The following CLASP2 variants were observed in gnomAD, a reference collection of about 807,000 sequenced individuals.
The protein encoded by CLASP2 is CLIP-associating protein 2.
In CLASP2, 47 loss-of-function variants were observed where a neutral mutation model predicts 194.4. The observed-to-expected ratio is 0.24, with a 90% confidence interval of 0.19 to 0.31. The LOEUF (loss-of-function observed/expected upper bound fraction) is 0.31. CLASP2 is among the 10% of genes least tolerant of loss of function. The probability of loss-of-function intolerance (pLI) is 1.00; values close to 1 mark genes in which losing one functional copy is unlikely to be tolerated. For missense variants in CLASP2, 1,445 were observed against 1,823.6 expected (o/e 0.79, Z 3.78); for synonymous variants, 619 against 633.5 (o/e 0.98, Z 0.34).
intron 6 of CLASP2, among the ~76,000 whole-genome samples, chr3:33,671,506 G>A (rs536495257): frequency 5.3e-5 from 8 of 152,278 alleles, no homozygotes; most frequent in South Asian, 4.1e-4. Context: ...AGCTCCCAGC[G>A]TGAGAGACCC....
chr3:33,496,309 T>C lies in CLASP2; in HGVS notation c.*2322A>G, dbSNP rs563640531. 8 of 152,344 alleles carry C rather than the reference T, an allele frequency of 5.3e-5. No homozygotes were observed. The highest frequency in any genetic ancestry group is 7.3e-5 in the Non-Finnish European group (5 of 68,036). 9.4% of individuals were successfully genotyped at this position (152,344 alleles called of 1,614,324 possible). Reference sequence around the variant, plus strand: ...CAGTGCAGTAAATGAACAACACTTATTAATAATTAATTTGGGAGAGAATAG... The same window carrying C: ...CAGTGCAGTAAATGAACAACACTTACTAATAATTAATTTGGGAGAGAATAG... On this transcript the variant is annotated 3_prime_UTR_variant, in exon 39 of 39. Coordinates refer to ENST00000682230, the MANE Select transcript of CLASP2 (RefSeq NM_001365631.1).
rs1333270211 is a variant in CLASP2 at position 33,618,239 on chromosome 3, C to T, written c.1317+1364G>A. ...CTGGGATTACAGGTGTGAGCTGCCGCGCCCGGCCTGGTGAGGATAATTTGA... is the reference window on the plus strand; with the variant it reads ...CTGGGATTACAGGTGTGAGCTGCCGTGCCCGGCCTGGTGAGGATAATTTGA... On this transcript the variant is annotated intron_variant, in intron 12 of 38. Coordinates refer to ENST00000682230, the MANE Select transcript of CLASP2 (RefSeq NM_001365631.1). Among the ~76,000 whole-genome samples the T allele has an allele frequency of 2.6e-5, 4 of 152,100 alleles. No individual in the cohort carries two copies. In the East Asian group the frequency reaches 7.7e-4, roughly 29 times the overall value.
intron 38 of CLASP2, among the ~76,000 whole-genome samples, chr3:33,499,330 A>G (rs1379661594): frequency 1.3e-5 from 2 of 149,844 alleles, no homozygotes; most frequent in African/African-American, 2.5e-5. Flanking sequence ...TCTCTTTATG[A>G]ATTACTCAGT....
intron 34 of CLASP2, among the ~76,000 whole-genome samples, chr3:33,519,181 C>T (rs1053835799): frequency 3.9e-5 from 6 of 152,142 alleles, no homozygotes; most frequent in Non-Finnish European, 8.8e-5. Context: ...TGTGGCAGTG[C>T]TCAAGAAGTA....
At chr3:33,637,414 G>A (rs2080352529) in intron 8 of CLASP2, among the ~76,000 whole-genome samples, 1 of 152,064 alleles carries the variant, frequency 6.6e-6, no homozygotes, top group African/African-American at 2.4e-5. Flanking sequence ...GGCAACTGTA[G>A]TCCCAGCTAC....
At chr3:33,635,610 A>C (rs1311437065) in intron 8 of CLASP2, among the ~76,000 whole-genome samples, 2 of 152,230 alleles carry the variant, frequency 1.3e-5, no homozygotes, top group Non-Finnish European at 2.9e-5. Context: ...CAAATGTAAG[A>C]AATTTTGATA....
chr3:33,637,028 AAACTT>A (rs1187252488), intron 8 of CLASP2, among the ~76,000 whole-genome samples: 3 of 152,264 alleles, frequency 2.0e-5, no homozygotes, highest in Non-Finnish European at 4.4e-5. Flanking sequence ...ACAACTGAGA[AAACTT>A]AAATACGTAG....
intron 23 of CLASP2, among the ~76,000 whole-genome samples, chr3:33,581,015 C>CAAAAAAAAA (rs34304858): frequency 3.5e-5 from 2 of 57,708 alleles, no homozygotes; most frequent in African/African-American, 1.3e-4. Flanking sequence ...GACTCCGTCT[C>CAAAAAAAAA]AAAAAAAAAA....
intron 34 of CLASP2, among the ~76,000 whole-genome samples, chr3:33,517,850 C>T (rs978348023): frequency 3.9e-5 from 6 of 152,116 alleles, no homozygotes; most frequent in African/African-American, 1.2e-4. Context: ...GACGGGGTTT[C>T]GCCATGTTGT....
In CLASP2 at chr3:33,501,718, C is replaced by A. The variant is rs1362901620; in HGVS notation, c.4368G>T (p.Leu1456=). The A allele has an allele frequency of 6.2e-6, 10 of 1,613,770 alleles. No homozygotes were observed. Among genetic ancestry groups the A allele is most frequent in the Non-Finnish European group, 8.5e-6 (10 of 1,179,796 alleles). ...SSVRKACVFC[L]VAVHAVIGDE... Reference sequence around the variant, plus strand: ...CACCAATTACCGCATGAACAGCCACCAGGCAGAAGACACAAGCTTTCCGAA... The same window carrying A: ...CACCAATTACCGCATGAACAGCCACAAGGCAGAAGACACAAGCTTTCCGAA... The change falls in exon 38 of 39, where the codon CTG becomes CTT. Residue 1456 remains leucine, a synonymous_variant. Coordinates refer to ENST00000682230, the MANE Select transcript of CLASP2 (RefSeq NM_001365631.1).
chr3:33,607,757 A>G (rs982829072), intron 14 of CLASP2, among the ~76,000 whole-genome samples: 2 of 152,170 alleles, frequency 1.3e-5, no homozygotes, highest in Non-Finnish European at 2.9e-5. Context: ...TTAATTTTTA[A>G]TAAATTAGAG....
At chr3:33,579,244 T>C (rs2154206716) in intron 23 of CLASP2, among the ~76,000 whole-genome samples, 1 of 152,376 alleles carries the variant, frequency 6.6e-6, no homozygotes, top group South Asian at 2.1e-4. Context: ...CTGTTTCCTT[T>C]AATATTAAAA....
At chr3:33,573,467 G>T in intron 24 of CLASP2, 113 bp from the exon 25 acceptor site, 1 of 1,044,382 alleles carries the variant, frequency 9.6e-7, no homozygotes, top group Non-Finnish European at 1.4e-6. Context: ...TGCAAAGCAT[G>T]CTCCTAATCA....
chr3:33,642,797 T>G (rs2081552265), intron 8 of CLASP2, among the ~76,000 whole-genome samples: 1 of 151,800 alleles, frequency 6.6e-6, no homozygotes, highest in African/African-American at 2.4e-5. Flanking sequence ...GGCCAGTAGC[T>G]CTTTTCTTAG....
At chr3:33,598,755 T>C (rs2071197999) in intron 18 of CLASP2, among the ~76,000 whole-genome samples, 1 of 152,222 alleles carries the variant, frequency 6.6e-6, no homozygotes, top group Non-Finnish European at 1.5e-5. Flanking sequence ...CTTCTGTCCA[T>C]ATGACCTCAT....
chr3:33,710,710 G>A (rs574522779), intron 1 of CLASP2, among the ~76,000 whole-genome samples: 5 of 152,280 alleles, frequency 3.3e-5, no homozygotes, highest in Non-Finnish European at 5.9e-5. Flanking sequence ...CAAGGCAGGC[G>A]GATCACCACA....
intron 7 of CLASP2, among the ~76,000 whole-genome samples, chr3:33,661,202 C>T (rs2085250789): frequency 6.6e-6 from 1 of 152,144 alleles, no homozygotes; most frequent in Admixed American, 6.5e-5. Flanking sequence ...ATATTTCCTC[C>T]ATTACCAACT....
intron 1 of CLASP2, 64 bp downstream of exon 1, chr3:33,717,744 G>T: frequency 6.6e-7 from 1 of 1,505,360 alleles, no homozygotes. Context: ...CCCGGCGCTC[G>T]CGTCCGGGAT....
At chr3:33,536,607 A>AC (rs1341470965) in intron 33 of CLASP2, among the ~76,000 whole-genome samples, 4 of 152,186 alleles carry the variant, frequency 2.6e-5, no homozygotes, top group African/African-American at 7.2e-5. Flanking sequence ...TATTGTATAG[A>AC]CTTTGGTTTT....
Sources: gnomAD v4.1 joint callset for allele counts (sites outside exome capture counted in the v4.1 genomes callset) on GRCh38, gnomAD v4.1.1 for gene constraint, MANE v1.5 for transcripts, NCBI Gene and HGNC (gene_info 2026-07-23, HGNC 2026-07-21) for gene names.